The following CLYBL variants were observed in gnomAD, a reference collection of about 807,000 sequenced individuals.
The protein encoded by CLYBL is citramalyl-CoA lyase, mitochondrial.
A neutral mutation model predicts 38.9 loss-of-function variants in CLYBL; 31 were observed. The observed-to-expected ratio is 0.80, with a 90% confidence interval of 0.60 to 1.08. The LOEUF (loss-of-function observed/expected upper bound fraction) is 1.08. Among genes scored for constraint, CLYBL ranks in the 50% least tolerant of loss-of-function variants. The probability of loss-of-function intolerance (pLI) is 0.00; values close to 1 mark genes in which losing one functional copy is unlikely to be tolerated. For missense variants in CLYBL, 434 were observed against 411.6 expected (o/e 1.05, Z -0.47); for synonymous variants, 171 against 158.6 (o/e 1.08, Z -0.59).
Position 99,815,085 on chromosome 13 carries a change from A to G in CLYBL, c.249+42075A>G, listed in dbSNP as rs573629661. ...GGTTTCTTGAGTGGTCCCAGAGGTA[A>G]CACACCCCACATGGTCTCACTCTGC... On this transcript the variant is annotated intron_variant, in intron 2 of 8. Transcript: ENST00000339105. Among the ~76,000 whole-genome samples, 7 of 152,210 alleles carry G rather than the reference A, an allele frequency of 4.6e-5. No homozygotes were observed. The South Asian group carries it at 6.2e-4, about 14-fold the overall frequency.
rs368004988 is a variant in CLYBL at position 99,830,999 on chromosome 13, ACAGACACAGAAGAGAAGT to A, written c.250-27833_250-27816del. ...AAATCAGAGACACACAGAGGAGAAG[ACAGACACAGAAGAGAAGT>A]CAGACACAGAAGAGAAGTCAGACAC... On this transcript the variant is annotated intron_variant, in intron 2 of 8. Coordinates refer to ENST00000339105, the MANE Select transcript of CLYBL (RefSeq NM_206808.5). 5.2e-3 allele frequency among the ~76,000 whole-genome samples: 786 copies of A among 152,324 alleles called. 7 individuals are homozygous for A. The highest frequency in any genetic ancestry group is 0.018 in the African/African-American group (745 of 41,564).
chr13:99,739,416 G>C (rs1485961577), intron 1 of CLYBL, among the ~76,000 whole-genome samples: 1 of 152,128 alleles, frequency 6.6e-6, no homozygotes, highest in African/African-American at 2.4e-5. Context: ...TCTGCCTACT[G>C]TTTTAGGACC....
intron 1 of CLYBL, among the ~76,000 whole-genome samples, chr13:99,714,999 A>G (rs1003874980): frequency 2.0e-5 from 3 of 152,060 alleles, no homozygotes. Context: ...ATCAATAGAG[A>G]GTTATTTGTG....
chr13:99,828,865 C>T (rs184990271), intron 2 of CLYBL, among the ~76,000 whole-genome samples: 5 of 152,218 alleles, frequency 3.3e-5, no homozygotes, highest in East Asian at 1.9e-4. Context: ...GGCTCCATCA[C>T]GGTGTCCAAA....
chr13:99,697,754 C>G (rs887687401), intron 1 of CLYBL, among the ~76,000 whole-genome samples: 2 of 150,270 alleles, frequency 1.3e-5, no homozygotes, highest in Admixed American at 6.7e-5. Context: ...TCAAGCAGAT[C>G]TCATGTCTCA....
intron 6 of CLYBL, among the ~76,000 whole-genome samples, chr13:99,868,164 G>GGCCATAACTA: frequency 6.6e-6 from 1 of 152,248 alleles, no homozygotes; most frequent in Middle Eastern, 3.4e-3. Flanking sequence ...AAGGGAACGA[G>GGCCATAACTA]GCCATAACTA....
Position 99,842,209 on chromosome 13 carries a change from T to C in CLYBL, c.250-16652T>C, listed in dbSNP as rs117409732. ...ATGAGGGGGCATGATCTAGCAGTAA[T>C]AAACCGAGGGGAATTTGGCAAGGCC... On this transcript the variant is annotated intron_variant, in intron 2 of 8. Transcript: ENST00000339105. 5.4e-4 allele frequency among the ~76,000 whole-genome samples: 82 copies of C among 152,312 alleles called. No individual in the cohort carries two copies. In the East Asian group the frequency reaches 0.013, roughly 23 times the overall value.
At chr13:99,805,586 G>A (rs1225833854) in intron 2 of CLYBL, among the ~76,000 whole-genome samples, 3 of 151,932 alleles carry the variant, frequency 2.0e-5, no homozygotes, top group African/African-American at 7.3e-5. Flanking sequence ...GGAGGGGGTG[G>A]GGGAGGGGAC....
At chr13:99,838,268 C>T (rs2050986239) in intron 2 of CLYBL, among the ~76,000 whole-genome samples, 1 of 152,092 alleles carries the variant, frequency 6.6e-6, no homozygotes, top group Non-Finnish European at 1.5e-5. Flanking sequence ...AGTAAGTTGA[C>T]ATATTAGGCC....
At chr13:99,625,985 C>A (rs568500715) in intron 1 of CLYBL, among the ~76,000 whole-genome samples, 1 of 152,212 alleles carries the variant, frequency 6.6e-6, no homozygotes, top group Middle Eastern at 3.2e-3. Context: ...TGGCTGGCTG[C>A]GTGGAAGAGG....
intron 1 of CLYBL, among the ~76,000 whole-genome samples, chr13:99,610,018 T>A (rs1195316236): frequency 6.6e-6 from 1 of 152,224 alleles, no homozygotes; most frequent in African/African-American, 2.4e-5. Context: ...TCCTCCTGCC[T>A]CAGCCTCCCC....
intron 2 of CLYBL, among the ~76,000 whole-genome samples, chr13:99,833,434 T>C (rs1314858925): frequency 6.6e-6 from 1 of 152,120 alleles, no homozygotes; most frequent in Non-Finnish European, 1.5e-5. Context: ...AATCTTTGAA[T>C]TGCTGCCATA....
At chr13:99,877,196 G>C (rs886876896) in intron 7 of CLYBL, among the ~76,000 whole-genome samples, 3 of 152,220 alleles carry the variant, frequency 2.0e-5, no homozygotes, top group African/African-American at 2.4e-5. Flanking sequence ...CAGGTCCCCA[G>C]AGTCACACTC....
At chr13:99,673,412 CAA>C (rs34517548) in intron 1 of CLYBL, among the ~76,000 whole-genome samples, 1 of 142,662 alleles carries the variant, frequency 7.0e-6, no homozygotes, top group Non-Finnish European at 1.5e-5. Context: ...GACTCCGTCT[CAA>C]AAAAAAAAAA....
At chr13:99,806,759 C>G (rs1353331002) in intron 2 of CLYBL, among the ~76,000 whole-genome samples, 3 of 152,186 alleles carry the variant, frequency 2.0e-5, no homozygotes, top group African/African-American at 7.2e-5. Context: ...CTGATTTTTC[C>G]TCCTCTTACC....
intron 1 of CLYBL, among the ~76,000 whole-genome samples, chr13:99,619,748 A>G (rs1209287348): frequency 6.6e-6 from 1 of 152,190 alleles, no homozygotes; most frequent in East Asian, 1.9e-4. Context: ...CTCACCCATC[A>G]AAAGGAGGAT....
exon 10 of CLYBL, among the ~76,000 whole-genome samples, chr13:99,908,477 G>C (rs1011631794): frequency 2.6e-5 from 4 of 152,232 alleles, no homozygotes; most frequent in Non-Finnish European, 5.9e-5. Flanking sequence ...GCCTCGCAGT[G>C]TGGAAGCCTG....
intron 7 of CLYBL, among the ~76,000 whole-genome samples, chr13:99,871,709 G>T (rs1038763600): frequency 6.6e-5 from 10 of 152,170 alleles, no homozygotes; most frequent in African/African-American, 2.4e-4. Flanking sequence ...TCCACTTTGT[G>T]CCAGTAACAC....
chr13:99,715,323 T>A (rs2048295639), intron 1 of CLYBL, among the ~76,000 whole-genome samples: 1 of 152,172 alleles, frequency 6.6e-6, no homozygotes, highest in African/African-American at 2.4e-5. Flanking sequence ...GGGTTCCATT[T>A]CTCCAGGGAT....
Sources: allele counts gnomAD v4.1 joint callset (sites outside exome capture counted in the v4.1 genomes callset), GRCh38; gene constraint gnomAD v4.1.1; transcripts MANE v1.5; gene names NCBI Gene and HGNC (gene_info 2026-07-23, HGNC 2026-07-21).